ATP11B: variants seen among roughly 807,000 people sequenced by gnomAD.
ATP11B encodes phospholipid-transporting ATPase IF.
Under a neutral mutation model 157.8 loss-of-function variants are expected in ATP11B, and 81 were observed. The ratio of observed to expected loss-of-function variants is 0.51; its 90% CI spans 0.43 to 0.62. The LOEUF (loss-of-function observed/expected upper bound fraction) is 0.62, where lower values mean the gene tolerates loss of function less well. ATP11B is among the 20% of genes least tolerant of loss of function. The pLI is 0.00. For missense variants in ATP11B, 1,165 were observed against 1,402.2 expected (o/e 0.83, Z 2.70); for synonymous variants, 451 against 469.4 (o/e 0.96, Z 0.51).
rs563862901 is a variant in ATP11B at position 182,919,744 on chromosome 3, G to A, written c.*1640G>A. On this transcript the variant is annotated 3_prime_UTR_variant, in exon 30 of 30. Transcript: ENST00000323116. The stretch of plus-strand genomic sequence containing the variant: ...ATTAAGACTTTATCCTTGTTTGCTT[G>A]TAAACTATTATTTTCTTGCTAATGT... 6.6e-6 allele frequency: 1 copy of A among 152,142 alleles called. No homozygotes were observed. Among genetic ancestry groups the A allele is most frequent in the Non-Finnish European group, 1.5e-5 (1 of 67,994 alleles). 9.4% of individuals were successfully genotyped at this position (152,142 alleles called of 1,614,324 possible). A position where few individuals can be genotyped will look rare whatever the true frequency, so the allele number is the denominator to read the frequency against.
intron 2 of ATP11B, among the ~76,000 whole-genome samples, chr3:182,822,496 T>G (rs1245182090): frequency 6.6e-6 from 1 of 152,262 alleles, no homozygotes; most frequent in African/African-American, 2.4e-5. Context: ...ATGTGCCACA[T>G]TTTCTTAATC....
intron 6 of ATP11B, among the ~76,000 whole-genome samples, chr3:182,836,794 T>C (rs2108511084): frequency 6.6e-6 from 1 of 152,266 alleles, no homozygotes; most frequent in South Asian, 2.1e-4. Context: ...AGGTGAAAAT[T>C]CACAGTTTTT....
chr3:182,855,643 A>G (rs1720337336), intron 10 of ATP11B, among the ~76,000 whole-genome samples: 1 of 152,198 alleles, frequency 6.6e-6, no homozygotes, highest in South Asian at 2.1e-4. Context: ...CAGAGGCTTT[A>G]TGTTTAGAAA....
At chr3:182,866,864 TATA>T (rs1721276063) in intron 14 of ATP11B, among the ~76,000 whole-genome samples, 1 of 145,934 alleles carries the variant, frequency 6.9e-6, no homozygotes. Context: ...AATTATTATA[TATA>T]ACATATATAA....
At chr3:182,894,671 A>C (rs957201886) in intron 25 of ATP11B, among the ~76,000 whole-genome samples, 1 of 152,244 alleles carries the variant, frequency 6.6e-6, no homozygotes, top group Non-Finnish European at 1.5e-5. Context: ...GGCTTCTTCT[A>C]GGACCTTGAA....
chr3:182,803,807 G>A (rs535935318), intron 1 of ATP11B, among the ~76,000 whole-genome samples: 3 of 152,190 alleles, frequency 2.0e-5, no homozygotes, highest in East Asian at 1.9e-4. Flanking sequence ...TTTAGGACAC[G>A]TACCAGCATT....
chr3:182,870,810 C>T (rs1378355059), intron 17 of ATP11B, among the ~76,000 whole-genome samples: 1 of 151,468 alleles, frequency 6.6e-6, no homozygotes, highest in Non-Finnish European at 1.5e-5. Flanking sequence ...CACCAGTAGT[C>T]CCAGCTACTC....
At chr3:182,917,923 A>G (rs1465653404) in intron 29 of ATP11B, 100 bp from the exon 30 acceptor site, 9 of 1,490,322 alleles carry the variant, frequency 6.0e-6, no homozygotes, top group East Asian at 4.7e-5. Context: ...AAATGAATCA[A>G]TCAGTGATTG....
intron 10 of ATP11B, among the ~76,000 whole-genome samples, chr3:182,852,734 A>G (rs566375043): frequency 3.0e-4 from 45 of 152,344 alleles, no homozygotes; most frequent in African/African-American, 1.0e-3. Flanking sequence ...ATCTAAGCAT[A>G]ATAACTAAAT....
At chr3:182,794,057 C>T (rs1355979465) in intron 1 of ATP11B, among the ~76,000 whole-genome samples, 1 of 152,208 alleles carries the variant, frequency 6.6e-6, no homozygotes, top group Non-Finnish European at 1.5e-5. Flanking sequence ...CTTCTTCCCC[C>T]TTGCCGCTCC....
intron 4 of ATP11B, among the ~76,000 whole-genome samples, chr3:182,831,686 G>C (rs954662077): frequency 1.3e-5 from 2 of 151,772 alleles, no homozygotes; most frequent in Non-Finnish European, 2.9e-5. Flanking sequence ...TTTCTTCCTG[G>C]AAAGTTCTTC....
intron 4 of ATP11B, chr3:182,830,012 A>G (rs999363637): frequency 2.1e-5 from 18 of 841,736 alleles, no homozygotes; most frequent in Non-Finnish European, 2.4e-5. Context: ...AGTATTGTAT[A>G]TGTATAAACC....
chr3:182,909,368 T>G (rs1008161449), intron 28 of ATP11B, among the ~76,000 whole-genome samples: 3 of 152,212 alleles, frequency 2.0e-5, no homozygotes, highest in Non-Finnish European at 2.9e-5. Flanking sequence ...TGGGAGCAAG[T>G]GTGGTGGAAA....
intron 21 of ATP11B, among the ~76,000 whole-genome samples, chr3:182,882,503 AT>A (rs919076479): frequency 7.9e-5 from 12 of 151,972 alleles, no homozygotes; most frequent in Admixed American, 4.6e-4. Context: ...CTGGTTAGTG[AT>A]TTGAAAAAAA....
chr3:182,859,218 T>A lies in ATP11B; in HGVS notation c.1059T>A (p.Ile353=), dbSNP rs1290411838. ...LAFLVLYNFI[I]PISLYVTVEM... is the part of the protein sequence containing the mutation. ...TTTTGGTTCTCTACAATTTCATCAT[T>A]CCAATTTCATTATATGTGACAGTCG... Residue 353 remains isoleucine, a synonymous_variant, in exon 12 of 30, where the codon ATT becomes ATA. Coordinates refer to ENST00000323116, the MANE Select transcript of ATP11B (RefSeq NM_014616.3). 9.3e-6 allele frequency: 15 copies of A among 1,612,820 alleles called. No individual in the cohort carries two copies. Among genetic ancestry groups the A allele is most frequent in the Non-Finnish European group, 1.2e-5 (14 of 1,179,334 alleles).
chr3:182,887,717 A>C lies in ATP11B; in HGVS notation c.2843+4A>C, dbSNP rs376381570. On this transcript the variant is annotated splice_donor_region_variant and intron_variant, in intron 24 of 29. Coordinates refer to ENST00000323116, the MANE Select transcript of ATP11B (RefSeq NM_014616.3). ...AAAATAAGCCCACCCTTTATCGGTA[A>C]GTATTTTCTGGTATTAAATGGCCTT... 4 of 1,607,630 alleles carry C rather than the reference A, an allele frequency of 2.5e-6. No individual in the cohort carries two copies. The Admixed American group carries it at 6.8e-5, about 27-fold the overall frequency.
intron 2 of ATP11B, 107 bp downstream of exon 2, chr3:182,820,483 C>T (rs765838355): frequency 2.1e-5 from 16 of 761,346 alleles, no homozygotes; most frequent in East Asian, 2.6e-5. Context: ...CAGGAGTTTG[C>T]GACCAGTGTG....
chr3:182,899,704 C>T (rs1378532292), intron 28 of ATP11B, among the ~76,000 whole-genome samples: 1 of 152,114 alleles, frequency 6.6e-6, no homozygotes, highest in East Asian at 1.9e-4. Flanking sequence ...TCAGTTTCCT[C>T]ATTAGTAAAA....
chr3:182,864,772 T>A (rs545972554), intron 12 of ATP11B, among the ~76,000 whole-genome samples: 1 of 152,278 alleles, frequency 6.6e-6, no homozygotes, highest in Admixed American at 6.5e-5. Context: ...ATTTTCATGA[T>A]GATCCTGGTT....
Sources: allele counts gnomAD v4.1 joint callset (sites outside exome capture counted in the v4.1 genomes callset), GRCh38; gene constraint gnomAD v4.1.1; transcripts MANE v1.5; gene names NCBI Gene and HGNC (gene_info 2026-07-23, HGNC 2026-07-21).